The following SHISA9 variants were observed in gnomAD, a reference collection of about 807,000 sequenced individuals.
The protein encoded by SHISA9 is protein shisa-9.
Under a neutral mutation model 38.0 loss-of-function variants are expected in SHISA9, and 13 were observed. The ratio of observed to expected loss-of-function variants is 0.34; its 90% confidence interval spans 0.22 to 0.54. The LOEUF (loss-of-function observed/expected upper bound fraction) is 0.54, where lower values mean the gene tolerates loss of function less well. SHISA9 is among the 20% of genes least tolerant of loss of function. SHISA9 has a pLI of 0.91. For synonymous variants in SHISA9, 275 were observed against 242.0 expected (o/e 1.14, Z -1.27); for missense variants, 538 against 575.8 (o/e 0.93, Z 0.67).
At chr16:13,296,857 C>A in the SHISA9 span, among the ~76,000 whole-genome samples, 1 of 113,774 alleles carries the variant, frequency 8.8e-6, no homozygotes, top group South Asian at 3.1e-4. Context: ...TGCCCTTGCA[C>A]TTCAGCCTAG....
chr16:13,008,413 T>A (rs1419505377), intron 2 of SHISA9, among the ~76,000 whole-genome samples: 2 of 152,208 alleles, frequency 1.3e-5, no homozygotes, highest in Non-Finnish European at 2.9e-5. Context: ...ACTAAGATAG[T>A]GCCTTGTATG....
chr16:13,235,424 G>C lies in SHISA9; in HGVS notation c.*15G>C. 6.6e-7 allele frequency: 1 copy of C among 1,525,178 alleles called. No homozygotes were observed. The highest frequency in any genetic ancestry group is 8.8e-7 in the Non-Finnish European group (1 of 1,140,078). 94.5% of individuals were successfully genotyped at this position (1,525,178 alleles called of 1,614,324 possible). A position where few individuals can be genotyped will look rare whatever the true frequency, so the allele number is the denominator to read the frequency against. On this transcript the variant is annotated 3_prime_UTR_variant, in exon 5 of 5. Coordinates refer to ENST00000558583, the MANE Select transcript of SHISA9 (RefSeq NM_001145204.3). ...TGACTGTCTGAGCTTTCACCACAGG[G>C]AGCACCCTGGAGACCACACTCAACT...
At chr16:13,350,348 T>C in the SHISA9 span, 1 of 152,420 alleles carries the variant, frequency 6.6e-6, no homozygotes, top group Non-Finnish European at 1.5e-5. Flanking sequence ...GGAGTTGGAC[T>C]GAGCCATGCT....
chr16:13,532,383 G>C, the SHISA9 span, among the ~76,000 whole-genome samples: 13 of 152,158 alleles, frequency 8.5e-5, no homozygotes, highest in Admixed American at 2.0e-4. Flanking sequence ...TGGCAAAAAT[G>C]AATGGAGCAT....
Position 12,968,151 on chromosome 16 carries a change from C to G in SHISA9, c.691+51336C>G, listed in dbSNP as rs1208721323. Among the ~76,000 whole-genome samples, 4 of 131,472 alleles carry G rather than the reference C, an allele frequency of 3.0e-5. No homozygotes were observed. In the South Asian group the frequency reaches 1.0e-3, roughly 33 times the overall value. The allele number at this position is 131,472 out of a possible 152,430, so 86.3% of individuals were successfully genotyped here. ...TTCACAGTGACCTGAGGTGGCACCA[C>G]TGCACTCCAGCCTGGGTGACAGAGG... On this transcript the variant is annotated intron_variant, in intron 2 of 4. Transcript: ENST00000558583.
chr16:13,520,405 C>T, the SHISA9 span, among the ~76,000 whole-genome samples: 2 of 151,802 alleles, frequency 1.3e-5, no homozygotes, highest in Non-Finnish European at 2.9e-5. Flanking sequence ...CGAGACCACC[C>T]TTGCCAACAT....
At chr16:13,434,066 G>A in the SHISA9 span, among the ~76,000 whole-genome samples, 2 of 152,196 alleles carry the variant, frequency 1.3e-5, no homozygotes, top group Non-Finnish European at 2.9e-5. Flanking sequence ...GAAGCCAACA[G>A]TGCAGCCTTC....
intron 3 of SHISA9, among the ~76,000 whole-genome samples, chr16:13,207,864 T>C (rs2051080918): frequency 6.6e-6 from 1 of 152,240 alleles, no homozygotes. Flanking sequence ...GGAGAGAAGT[T>C]GTTTAAAAAA....
At chr16:13,066,295 T>C (rs181469270) in intron 2 of SHISA9, among the ~76,000 whole-genome samples, 1 of 152,356 alleles carries the variant, frequency 6.6e-6, no homozygotes, top group East Asian at 1.9e-4. Flanking sequence ...TAGGGGCTAT[T>C]TGTTACTGCA....
In SHISA9 at chr16:13,203,447, G is replaced by T. The variant is rs751975182; in HGVS notation, c.745G>T (p.Gly249Cys). 1 of 1,550,552 alleles carries T rather than the reference G, an allele frequency of 6.4e-7. No homozygotes were observed. The highest frequency in any genetic ancestry group is 8.7e-7 in the Non-Finnish European group (1 of 1,146,446). Residue 249 changes from glycine (G) to cysteine (C), a missense_variant, in exon 3 of 5, where the codon GGC becomes TGC. By Grantham distance (159) the Gly-to-Cys change is radical. This residue lies in a region of SHISA9 where 326 missense variants were observed against 305.9 expected (regional missense o/e 1.07). Coordinates refer to ENST00000558583, the MANE Select transcript of SHISA9 (RefSeq NM_001145204.3). ...VPTSPLLQQM[G>C]HPHSYPNLGQ... is the part of the protein sequence containing the mutation. The stretch of plus-strand genomic sequence containing the variant: ...CACCTCTCCTCTGCTCCAGCAGATG[G>T]GCCATCCACATTCGTACCCGAACCT...
chr16:13,452,225 G>A, the SHISA9 span, among the ~76,000 whole-genome samples: 1 of 152,146 alleles, frequency 6.6e-6, no homozygotes, highest in South Asian at 2.1e-4. Flanking sequence ...GTGCACAGGG[G>A]TAATAAAGAA....
At chr16:12,911,246 C>G (rs2071178965) in intron 1 of SHISA9, 1 of 984,674 alleles carries the variant, frequency 1.0e-6, no homozygotes, top group Non-Finnish European at 1.2e-6. Flanking sequence ...CCCAGGTGAT[C>G]TGGATGCACC....
At chr16:13,019,380 C>A (rs2072795075) in intron 2 of SHISA9, among the ~76,000 whole-genome samples, 1 of 152,132 alleles carries the variant, frequency 6.6e-6, no homozygotes, top group Admixed American at 6.5e-5. Flanking sequence ...GTGGGGGAAG[C>A]CTTCCCGGCT....
the SHISA9 span, among the ~76,000 whole-genome samples, chr16:13,253,306 G>T: frequency 6.6e-6 from 1 of 152,132 alleles, no homozygotes; most frequent in Admixed American, 6.5e-5. Context: ...GTATCGTGAG[G>T]CTGAGGTTTG....
chr16:13,264,013 G>A, the SHISA9 span, among the ~76,000 whole-genome samples: 5 of 152,014 alleles, frequency 3.3e-5, no homozygotes, highest in East Asian at 1.9e-4. Flanking sequence ...AATTTTATCC[G>A]CAAGGTTATG....
chr16:13,122,002 T>C (rs2050216233), intron 2 of SHISA9, among the ~76,000 whole-genome samples: 1 of 152,080 alleles, frequency 6.6e-6, no homozygotes, highest in African/African-American at 2.4e-5. Context: ...TCACATAAAC[T>C]ACTTACCACA....
At chr16:13,527,101 C>T in the SHISA9 span, among the ~76,000 whole-genome samples, 1 of 152,152 alleles carries the variant, frequency 6.6e-6, no homozygotes. Flanking sequence ...TTGTTGAGTA[C>T]CTAATACTAT....
intron 2 of SHISA9, among the ~76,000 whole-genome samples, chr16:13,069,163 ATG>A (rs1309278052): frequency 1.3e-5 from 2 of 149,686 alleles, no homozygotes; most frequent in South Asian, 2.1e-4. Flanking sequence ...ATGTGTATAT[ATG>A]TGTGTACATG....
the SHISA9 span, among the ~76,000 whole-genome samples, chr16:13,449,450 A>G: frequency 6.6e-6 from 1 of 152,176 alleles, no homozygotes; most frequent in East Asian, 1.9e-4. Flanking sequence ...CCTGGGGGTA[A>G]GGGGAAGCTA....
Sources: gnomAD v4.1 joint callset for allele counts (sites outside exome capture counted in the v4.1 genomes callset) on GRCh38, gnomAD v4.1.1 for gene constraint, gnomAD v4.1.1 regional missense constraint, MANE v1.5 for transcripts, NCBI Gene and HGNC (gene_info 2026-07-23, HGNC 2026-07-21) for gene names.